The following CTNNA3 variants were observed in gnomAD, a reference collection of about 807,000 sequenced individuals.
CTNNA3 encodes catenin alpha 3.
Under a neutral mutation model 95.7 loss-of-function variants are expected in CTNNA3, and 76 were observed. That is an observed-to-expected ratio of 0.79 (90% CI 0.66 to 0.96). The LOEUF (loss-of-function observed/expected upper bound fraction) is 0.96, where lower values mean the gene tolerates loss of function less well. Among genes scored for constraint, CTNNA3 ranks in the 40% least tolerant of loss-of-function variants. CTNNA3 has a pLI of 0.00. For missense variants in CTNNA3, 1,191 were observed against 1,089.8 expected (o/e 1.09, Z -1.31); for synonymous variants, 431 against 374.4 (o/e 1.15, Z -1.74).
intron 7 of CTNNA3, among the ~76,000 whole-genome samples, chr10:66,907,616 C>G (rs1480378618): frequency 1.3e-5 from 2 of 152,124 alleles, no homozygotes; most frequent in South Asian, 2.1e-4. Context: ...ATGTTAGGAA[C>G]TTTCAGATTT....
intron 3 of CTNNA3, among the ~76,000 whole-genome samples, chr10:67,587,766 A>C (rs781535202): frequency 1.3e-5 from 2 of 152,142 alleles, no homozygotes; most frequent in Non-Finnish European, 2.9e-5. Flanking sequence ...ATACTTGAGA[A>C]GTTTTCATCT....
intron 5 of CTNNA3, among the ~76,000 whole-genome samples, chr10:67,431,310 A>C (rs1213956179): frequency 6.6e-6 from 1 of 152,050 alleles, no homozygotes; most frequent in Non-Finnish European, 1.5e-5. Context: ...TGCAGTTTTC[A>C]GGGTCTTTGA....
At chr10:66,048,679 T>G (rs1048253408) in intron 15 of CTNNA3, among the ~76,000 whole-genome samples, 13 of 152,158 alleles carry the variant, frequency 8.5e-5, no homozygotes, top group African/African-American at 2.9e-4. Flanking sequence ...GAGAATGGCA[T>G]GAACCTGGGA....
chr10:67,740,962 T>A (rs1048294987), intron 1 of CTNNA3, among the ~76,000 whole-genome samples: 1 of 151,382 alleles, frequency 6.6e-6, no homozygotes, highest in African/African-American at 2.4e-5. Flanking sequence ...ATATACACCA[T>A]GGAATACTAT....
At chr10:67,450,027 C>A (rs1846908148) in intron 5 of CTNNA3, among the ~76,000 whole-genome samples, 1 of 151,860 alleles carries the variant, frequency 6.6e-6, no homozygotes, top group South Asian at 2.1e-4. Flanking sequence ...AACATGTGGC[C>A]AACAAGCATA....
chr10:66,891,220 A>C (rs1412847374), intron 7 of CTNNA3, among the ~76,000 whole-genome samples: 1 of 152,166 alleles, frequency 6.6e-6, no homozygotes, highest in East Asian at 1.9e-4. Flanking sequence ...AAACAAATAT[A>C]TTTTACTTTA....
chr10:66,803,935 C>A (rs1589272764), intron 7 of CTNNA3, among the ~76,000 whole-genome samples: 2 of 150,790 alleles, frequency 1.3e-5, no homozygotes, highest in South Asian at 4.2e-4. Context: ...CAAACTAAAG[C>A]AGTTACAATT....
At chr10:67,079,251 A>G (rs575773671) in intron 7 of CTNNA3, among the ~76,000 whole-genome samples, 81 of 152,350 alleles carry the variant, frequency 5.3e-4, no homozygotes, top group Non-Finnish European at 1.1e-3. Context: ...TTATAGAACA[A>G]GGGGAAGAGT....
At chr10:66,534,746 G>A (rs1322221322) in intron 10 of CTNNA3, among the ~76,000 whole-genome samples, 1 of 150,464 alleles carries the variant, frequency 6.6e-6, no homozygotes, top group Non-Finnish European at 1.5e-5. Flanking sequence ...TTACTGAATA[G>A]CAAAGATCAT....
At chr10:65,948,796 A>G (rs2077565111) in intron 17 of CTNNA3, among the ~76,000 whole-genome samples, 1 of 152,304 alleles carries the variant, frequency 6.6e-6, no homozygotes, top group Non-Finnish European at 1.5e-5. Context: ...ACCATACACA[A>G]TAAGTTTCTC....
At chr10:67,346,704 T>G (rs1842430306) in intron 5 of CTNNA3, 1 of 513,390 alleles carries the variant, frequency 1.9e-6, no homozygotes, top group African/African-American at 1.9e-5. Flanking sequence ...GAGAGTTCAT[T>G]AATAGAAATA....
chr10:67,137,161 T>C lies in CTNNA3; in HGVS notation c.1047+43156A>G, dbSNP rs551881904. The stretch of plus-strand genomic sequence containing the variant: ...TACAGCAGTAACAGTAAGTGTTGCA[T>C]GAATGGCATTTGGCAGAGATGATCG... On this transcript the variant is annotated intron_variant, in intron 7 of 17. Coordinates refer to ENST00000433211, the MANE Select transcript of CTNNA3 (RefSeq NM_013266.4). Among the ~76,000 whole-genome samples the C allele has an allele frequency of 2.0e-5, 3 of 152,290 alleles. No individual in the cohort carries two copies. In the East Asian group the frequency reaches 5.8e-4, roughly 29 times the overall value.
At chr10:67,493,646 T>C (rs1254835374) in intron 5 of CTNNA3, among the ~76,000 whole-genome samples, 1 of 152,174 alleles carries the variant, frequency 6.6e-6, no homozygotes, top group African/African-American at 2.4e-5. Flanking sequence ...ATTATTTTCA[T>C]GATTAACTGG....
chr10:67,639,813 A>G (rs555460585), intron 2 of CTNNA3, among the ~76,000 whole-genome samples: 1 of 152,330 alleles, frequency 6.6e-6, no homozygotes, highest in South Asian at 2.1e-4. Context: ...ACAGCCCTTC[A>G]TGCTAAAAAC....
intron 17 of CTNNA3, among the ~76,000 whole-genome samples, chr10:65,963,736 A>G (rs1266059216): frequency 6.6e-6 from 1 of 152,236 alleles, no homozygotes; most frequent in Non-Finnish European, 1.5e-5. Context: ...AATGGATTTG[A>G]ATGAACTACA....
chr10:67,011,909 C>T (rs1852363110), intron 7 of CTNNA3, among the ~76,000 whole-genome samples: 1 of 152,152 alleles, frequency 6.6e-6, no homozygotes, highest in South Asian at 2.1e-4. Flanking sequence ...GCTTCATAAA[C>T]ACCTGCCCTT....
intron 7 of CTNNA3, among the ~76,000 whole-genome samples, chr10:66,892,930 A>C (rs1409374486): frequency 1.3e-5 from 2 of 152,128 alleles, no homozygotes; most frequent in Non-Finnish European, 2.9e-5. Flanking sequence ...AAATCACTTT[A>C]AAACTAGTCA....
At chr10:67,346,143 C>T (rs1842406505) in intron 5 of CTNNA3, among the ~76,000 whole-genome samples, 1 of 152,124 alleles carries the variant, frequency 6.6e-6, no homozygotes, top group African/African-American at 2.4e-5. Flanking sequence ...TTTGTTCCCT[C>T]ACTTTTTAAC....
chr10:66,129,782 C>A (rs1490185175), intron 13 of CTNNA3, among the ~76,000 whole-genome samples: 1 of 152,070 alleles, frequency 6.6e-6, no homozygotes, highest in Non-Finnish European at 1.5e-5. Context: ...TCTGTGTCCT[C>A]CCCTCACTGC....
Sources: gnomAD v4.1 joint callset for allele counts (sites outside exome capture counted in the v4.1 genomes callset) on GRCh38, gnomAD v4.1.1 for gene constraint, MANE v1.5 for transcripts, NCBI Gene and HGNC (gene_info 2026-07-23, HGNC 2026-07-21) for gene names.